CCDC85A: variants seen among roughly 807,000 people sequenced by gnomAD.
CCDC85A encodes coiled-coil domain containing 85A.
Under a neutral mutation model 50.2 loss-of-function variants are expected in CCDC85A, and 38 were observed. The ratio of observed to expected loss-of-function variants is 0.76; its 90% CI spans 0.58 to 0.99. CCDC85A has a LOEUF of 0.99. Among genes scored for constraint, CCDC85A ranks in the 50% least tolerant of loss-of-function variants. The pLI is 0.00. For synonymous variants in CCDC85A, 366 were observed against 301.4 expected, an observed-to-expected ratio of 1.21 and a Z score of -2.22; for missense variants, 820 against 742.0, an observed-to-expected ratio of 1.11 and a Z score of -1.22.
intron 2 of CCDC85A, among the ~76,000 whole-genome samples, chr2:56,291,839 C>A (rs1248940290): frequency 6.9e-6 from 1 of 144,624 alleles, no homozygotes; most frequent in Non-Finnish European, 1.5e-5. Flanking sequence ...CCTGTGAGAA[C>A]GTTCACGCTG....
chr2:56,226,594 C>T (rs1050906822), intron 2 of CCDC85A, among the ~76,000 whole-genome samples: 4 of 151,800 alleles, frequency 2.6e-5, no homozygotes, highest in Admixed American at 2.6e-4. Flanking sequence ...TTTCCCAATT[C>T]CTGCGTTTTA....
chr2:56,345,773 A>G (rs9309278), intron 3 of CCDC85A, among the ~76,000 whole-genome samples: 48,327 of 152,014 alleles, frequency 0.32, 10,053 homozygotes, highest in African/African-American at 0.59. Flanking sequence ...TACTGATACT[A>G]TTACAAATAA....
At chr2:56,384,163 C>G (rs1676718823) in intron 5 of CCDC85A, 103 bp from the exon 6 acceptor site, 5 of 978,472 alleles carry the variant, frequency 5.1e-6, no homozygotes, top group South Asian at 1.4e-5. Context: ...TGTCTCTTGT[C>G]TTTACTTCAT....
chr2:56,342,539 T>C (rs1674425134), intron 2 of CCDC85A, among the ~76,000 whole-genome samples: 1 of 152,216 alleles, frequency 6.6e-6, no homozygotes, highest in Admixed American at 6.5e-5. Context: ...TGTTTCCACT[T>C]CTGACAAATA....
chr2:56,196,098 G>A (rs1676508996), intron 2 of CCDC85A, among the ~76,000 whole-genome samples: 1 of 152,038 alleles, frequency 6.6e-6, no homozygotes, highest in Non-Finnish European at 1.5e-5. Flanking sequence ...TTTCTTTTGG[G>A]AATGCAAAGA....
At chr2:56,299,253 C>T (rs761816142) in intron 2 of CCDC85A, among the ~76,000 whole-genome samples, 4 of 152,098 alleles carry the variant, frequency 2.6e-5, no homozygotes, top group Admixed American at 6.6e-5. Flanking sequence ...CAGCAATATT[C>T]TTGGGTAGCT....
At chr2:56,321,004 G>A (rs1001945072) in intron 2 of CCDC85A, among the ~76,000 whole-genome samples, 7 of 152,032 alleles carry the variant, frequency 4.6e-5, no homozygotes, top group African/African-American at 7.2e-5. Flanking sequence ...ATCAATAAAC[G>A]TAATCCATCA....
At chr2:56,244,626 A>G (rs1289411536) in intron 2 of CCDC85A, among the ~76,000 whole-genome samples, 2 of 151,004 alleles carry the variant, frequency 1.3e-5, no homozygotes, top group African/African-American at 4.9e-5. Flanking sequence ...TTCCTTTCTC[A>G]AGCAGAAGGA....
intron 1 of CCDC85A, among the ~76,000 whole-genome samples, chr2:56,185,317 C>T (rs1458893150): frequency 6.6e-6 from 1 of 152,150 alleles, no homozygotes; most frequent in Non-Finnish European, 1.5e-5. Context: ...TGCTCTGGGC[C>T]AGCAGCTCTT....
intron 2 of CCDC85A, among the ~76,000 whole-genome samples, chr2:56,249,972 T>A (rs555349581): frequency 6.6e-6 from 1 of 152,342 alleles, no homozygotes; most frequent in Admixed American, 6.5e-5. Context: ...TTGCATTGCC[T>A]CTGCTTTTGA....
At chr2:56,348,450 A>G (rs1317855694) in intron 3 of CCDC85A, among the ~76,000 whole-genome samples, 1 of 152,202 alleles carries the variant, frequency 6.6e-6, no homozygotes, top group Non-Finnish European at 1.5e-5. Flanking sequence ...CTATTTCTCT[A>G]GTGCTAGCAC....
intron 2 of CCDC85A, among the ~76,000 whole-genome samples, chr2:56,203,217 A>G (rs1164300004): frequency 3.3e-5 from 5 of 152,228 alleles, no homozygotes; most frequent in Non-Finnish European, 7.3e-5. Context: ...AAGAGAGTAC[A>G]TTTATAATTA....
chr2:56,245,471 C>T (rs1669459656), intron 2 of CCDC85A, among the ~76,000 whole-genome samples: 1 of 152,232 alleles, frequency 6.6e-6, no homozygotes, highest in African/African-American at 2.4e-5. Flanking sequence ...TTCCTATCTT[C>T]TTCAGTGCCT....
intron 2 of CCDC85A, among the ~76,000 whole-genome samples, chr2:56,320,610 G>A (rs187134691): frequency 2.2e-4 from 33 of 152,030 alleles, no homozygotes; most frequent in African/African-American, 7.7e-4. Context: ...AATCCCTGAA[G>A]AGACCAATAA....
intron 2 of CCDC85A, among the ~76,000 whole-genome samples, chr2:56,336,246 C>T (rs1179432887): frequency 6.6e-6 from 1 of 152,076 alleles, no homozygotes; most frequent in African/African-American, 2.4e-5. Flanking sequence ...CCTCCACCTC[C>T]CAGGTTCAAG....
At chr2:56,338,820 C>G (rs1392215809) in intron 2 of CCDC85A, among the ~76,000 whole-genome samples, 1 of 151,698 alleles carries the variant, frequency 6.6e-6, no homozygotes, top group African/African-American at 2.4e-5. Flanking sequence ...GGACCCAGTG[C>G]TGATCTCACA....
chr2:56,201,620 T>G (rs1676751842), intron 2 of CCDC85A, among the ~76,000 whole-genome samples: 1 of 152,166 alleles, frequency 6.6e-6, no homozygotes, highest in South Asian at 2.1e-4. Context: ...TTAAAAAGCA[T>G]GAATTGCTTT....
intron 2 of CCDC85A, among the ~76,000 whole-genome samples, chr2:56,206,768 AAG>A (rs1159697778): frequency 6.6e-6 from 1 of 152,194 alleles, no homozygotes; most frequent in African/African-American, 2.4e-5. Flanking sequence ...TTCCTGAACA[AAG>A]AGGTTTTACA....
intron 2 of CCDC85A, among the ~76,000 whole-genome samples, chr2:56,294,339 C>T (rs1169995970): frequency 6.6e-6 from 1 of 152,152 alleles, no homozygotes; most frequent in Non-Finnish European, 1.5e-5. Context: ...ACACGCTGGG[C>T]TTAATACCTA....
Sources: gnomAD v4.1 joint callset for allele counts (sites outside exome capture counted in the v4.1 genomes callset) on GRCh38, gnomAD v4.1.1 for gene constraint, MANE v1.5 for transcripts, NCBI Gene and HGNC (gene_info 2026-07-23, HGNC 2026-07-21) for gene names.